TMEM131: variants seen among roughly 807,000 people sequenced by gnomAD.
TMEM131 encodes 2610524E03Rik.
In TMEM131, 66 loss-of-function variants were observed where a neutral mutation model predicts 211.6. That is an observed-to-expected ratio of 0.31 (90% CI 0.26 to 0.38). The LOEUF is 0.38. TMEM131 is among the 10% of genes least tolerant of loss of function. TMEM131 has a pLI of 1.00. For missense variants in TMEM131, 2,036 were observed against 2,299.3 expected, an observed-to-expected ratio of 0.89 and a Z score of 2.34; for synonymous variants, 844 against 841.3, an observed-to-expected ratio of 1.00 and a Z score of -0.06.
chr2:97,956,777 T>C (rs1678586021), intron 1 of TMEM131, among the ~76,000 whole-genome samples: 1 of 152,122 alleles, frequency 6.6e-6, no homozygotes, highest in Non-Finnish European at 1.5e-5. Context: ...TTATTCTCCA[T>C]CTCTGACATA....
intron 3 of TMEM131, among the ~76,000 whole-genome samples, chr2:97,892,994 C>T (rs1011546780): frequency 2.6e-5 from 4 of 152,044 alleles, no homozygotes; most frequent in Non-Finnish European, 5.9e-5. Flanking sequence ...GTTTGCTGCA[C>T]CCATCAACCC....
At chr2:97,757,902 G>A (rs988297103) in intron 40 of TMEM131, among the ~76,000 whole-genome samples, 4 of 152,176 alleles carry the variant, frequency 2.6e-5, no homozygotes, top group Non-Finnish European at 5.9e-5. Flanking sequence ...GGAGGCCGAC[G>A]TGGGCGGATC....
At position 97,795,022 on chromosome 2, in the gene TMEM131, G is replaced by C; in HGVS notation, c.3294C>G (p.Ser1098=). 2.5e-6 allele frequency: 4 copies of C among 1,613,688 alleles called. No homozygotes were observed. The highest frequency in any genetic ancestry group is 3.4e-6 in the Non-Finnish European group (4 of 1,179,656). ...AGGTTGCTAACATATGGTAAGGAAGGGATGCATTCAATATAAATACAAACT... is the reference window on the plus strand; with the variant it reads ...AGGTTGCTAACATATGGTAAGGAAGCGATGCATTCAATATAAATACAAACT... ...GSEFVFILNA[S]LPYHMLATCA... is the part of the protein sequence containing the mutation. Residue 1098 remains serine (S), a synonymous_variant, in exon 29 of 41, where the codon TCC becomes TCG. Transcript: ENST00000186436.
At chr2:97,856,864 A>G (rs1050516467) in intron 5 of TMEM131, among the ~76,000 whole-genome samples, 1 of 152,226 alleles carries the variant, frequency 6.6e-6, no homozygotes, top group African/African-American at 2.4e-5. Flanking sequence ...GGAGAGAGTA[A>G]AGATTTTGGC....
chr2:97,796,104 A>C (rs1680747432), intron 28 of TMEM131, 114 bp downstream of exon 28: 1 of 609,320 alleles, frequency 1.6e-6, no homozygotes. Flanking sequence ...TAAGTGAAAA[A>C]AAAACAAATG....
chr2:97,800,001 T>C (rs1680950565), intron 25 of TMEM131, among the ~76,000 whole-genome samples: 1 of 152,204 alleles, frequency 6.6e-6, no homozygotes, highest in African/African-American at 2.4e-5. Flanking sequence ...AAAATATAGG[T>C]AGTTTTCATT....
intron 1 of TMEM131, among the ~76,000 whole-genome samples, chr2:97,962,433 G>A (rs1678861253): frequency 6.6e-6 from 1 of 152,174 alleles, no homozygotes; most frequent in Admixed American, 6.5e-5. Flanking sequence ...GAACCCGGGA[G>A]GTGGAGCTTG....
At position 97,893,823 on chromosome 2, in the gene TMEM131, A is replaced by G. The variant is rs148942321; in HGVS notation, c.291-5703T>C. 7.0e-4 allele frequency among the ~76,000 whole-genome samples: 106 copies of G among 152,094 alleles called. 1 individual carries two copies. In the East Asian group the frequency reaches 0.018, roughly 26 times the overall value. On this transcript the variant is annotated intron_variant, in intron 3 of 40. Transcript: ENST00000186436. ...TTGCAAGAATTTTCTCCCATTCTGT[A>G]GGCTGCCTGTTCACTCTGATGATAG...
At chr2:97,786,142 T>A (rs923675503) in intron 31 of TMEM131, among the ~76,000 whole-genome samples, 3 of 152,170 alleles carry the variant, frequency 2.0e-5, no homozygotes, top group Admixed American at 1.3e-4. Flanking sequence ...TAGTGTACAG[T>A]GGTTTTGCAA....
At chr2:97,950,170 A>T (rs1388866003) in intron 1 of TMEM131, among the ~76,000 whole-genome samples, 2 of 152,206 alleles carry the variant, frequency 1.3e-5, no homozygotes, top group African/African-American at 4.8e-5. Flanking sequence ...TATCAAGCCA[A>T]TATTTAACCA....
chr2:97,814,263 A>C lies in TMEM131; in HGVS notation c.1418T>G (p.Leu473Arg), dbSNP rs371371534. Residue 473 changes from leucine (L) to arginine (R), a missense_variant, in exon 14 of 41, where the codon CTA becomes CGA. Around this residue, in one of 3 missense-constraint regions of TMEM131, gnomAD observed 1,623 missense variants for 1,805.9 expected, o/e 0.90. Coordinates refer to ENST00000186436, the MANE Select transcript of TMEM131 (RefSeq NM_015348.2). ...AAACATTGTTTTGGCTTCTTCTGGT[A>C]GCAACACATCGTGAATGAGGATCGC... ...SFAILIHDVLLPEEAKTMFKV... is the reference protein window; with the variant it reads ...SFAILIHDVLRPEEAKTMFKV... The C allele has an allele frequency of 5.5e-5, 89 of 1,613,822 alleles. No homozygotes were observed. The highest frequency in any genetic ancestry group is 1.0e-4 in the Admixed American group (6 of 60,002).
At chr2:97,857,747 C>T (rs1673905463) in intron 5 of TMEM131, among the ~76,000 whole-genome samples, 1 of 152,078 alleles carries the variant, frequency 6.6e-6, no homozygotes, top group African/African-American at 2.4e-5. Flanking sequence ...TAATAGAACA[C>T]CGACACCTTC....
At position 97,956,207 on chromosome 2, in the gene TMEM131, T is replaced by C. The variant is rs995792405; in HGVS notation, c.188-28720A>G. Among the ~76,000 whole-genome samples, 9 of 152,316 alleles carry C rather than the reference T, an allele frequency of 5.9e-5. 2 individuals carry two copies. The stretch of plus-strand genomic sequence containing the variant: ...ACCCAGAAAGAGAGCCACACAAATA[T>C]GCCCAATTGATTTTGATACAAGTAT... On this transcript the variant is annotated intron_variant, in intron 1 of 40. Coordinates refer to ENST00000186436, the MANE Select transcript of TMEM131 (RefSeq NM_015348.2).
chr2:97,762,005 T>A, intron 36 of TMEM131, 30 bp downstream of exon 36: 1 of 1,529,304 alleles, frequency 6.5e-7, no homozygotes, highest in Non-Finnish European at 8.7e-7. Flanking sequence ...CATTTCAAGC[T>A]GAGAACCGGA....
chr2:97,790,208 C>T (rs1680435449), intron 31 of TMEM131, among the ~76,000 whole-genome samples: 1 of 152,138 alleles, frequency 6.6e-6, no homozygotes, highest in Non-Finnish European at 1.5e-5. Context: ...TATAGTTTCA[C>T]AACATACTAC....
chr2:97,898,934 TAATA>T (rs1553611699), intron 3 of TMEM131, among the ~76,000 whole-genome samples: 3 of 152,188 alleles, frequency 2.0e-5, no homozygotes, highest in Non-Finnish European at 4.4e-5. Context: ...ATGTAGTGTT[TAATA>T]AATACCTATT....
chr2:97,918,455 T>C (rs1676603466), intron 2 of TMEM131, among the ~76,000 whole-genome samples: 1 of 152,174 alleles, frequency 6.6e-6, no homozygotes, highest in African/African-American at 2.4e-5. Context: ...CAAATGAATT[T>C]AAACCTAATC....
chr2:97,879,999 G>C (rs374314095), intron 4 of TMEM131, among the ~76,000 whole-genome samples: 1 of 152,062 alleles, frequency 6.6e-6, no homozygotes, highest in South Asian at 2.1e-4. Context: ...AGGAATGAAA[G>C]GTCATGAGGT....
intron 11 of TMEM131, among the ~76,000 whole-genome samples, chr2:97,820,977 T>C (rs1373021482): frequency 3.9e-5 from 6 of 152,166 alleles, no homozygotes; most frequent in African/African-American, 1.4e-4. Context: ...CACTTTATCT[T>C]GAGGCCAAGC....
Sources: allele counts gnomAD v4.1 joint callset (sites outside exome capture counted in the v4.1 genomes callset), GRCh38; gene constraint gnomAD v4.1.1; regional missense constraint gnomAD v4.1.1; transcripts MANE v1.5; gene names NCBI Gene and HGNC (gene_info 2026-07-23, HGNC 2026-07-21).